MAF: variants seen among roughly 807,000 people sequenced by gnomAD.
MAF encodes MAF bZIP transcription factor.
Under a neutral mutation model 22.0 loss-of-function variants are expected in MAF, and 10 were observed. The observed-to-expected ratio is 0.45, with a 90% CI of 0.28 to 0.77. The LOEUF (loss-of-function observed/expected upper bound fraction) is 0.77. Among genes scored for constraint, MAF ranks in the 30% least tolerant of loss-of-function variants. MAF has a pLI of 0.12. For missense variants in MAF, 544 were observed against 548.4 expected (o/e 0.99, Z 0.08); for synonymous variants, 337 against 255.8 (o/e 1.32, Z -3.03).
the MAF span, among the ~76,000 whole-genome samples, chr16:79,294,974 T>A: frequency 6.6e-6 from 1 of 152,008 alleles, no homozygotes; most frequent in Admixed American, 6.6e-5. Flanking sequence ...TAGGCATCGT[T>A]CTCCCCTTGA....
At chr16:79,549,310 G>A in the MAF span, among the ~76,000 whole-genome samples, 1 of 152,282 alleles carries the variant, frequency 6.6e-6, no homozygotes, top group African/African-American at 2.4e-5. Context: ...TATGAAGAAT[G>A]CCTTGTTTCC....
At chr16:79,463,951 C>G in the MAF span, among the ~76,000 whole-genome samples, 1 of 142,282 alleles carries the variant, frequency 7.0e-6, no homozygotes, top group Non-Finnish European at 1.5e-5. Flanking sequence ...AGACAAAACC[C>G]TGGAAAGAGC....
chr16:79,351,849 C>A, the MAF span, among the ~76,000 whole-genome samples: 1 of 152,264 alleles, frequency 6.6e-6, no homozygotes, highest in Non-Finnish European at 1.5e-5. Flanking sequence ...GGCAGCTTCA[C>A]CATGGATGGG....
Position 79,599,366 on chromosome 16 carries a change from C to A in MAF, c.537G>T (p.Pro179=), listed in dbSNP as rs1455870822. 12 of 996,692 alleles carry A rather than the reference C, an allele frequency of 1.2e-5. No homozygotes were observed. Among genetic ancestry groups the A allele is most frequent in the Non-Finnish European group, 2.4e-6 (2 of 839,342 alleles). 61.7% of individuals were successfully genotyped at this position (996,692 alleles called of 1,614,324 possible). ...CGTGGTGGTGGTGGTGGTGGTAGTG[C>A]GGGCCCGCGCCGCTCTGCGCGGCGG... ...AAAAAQSGAG[P]HYHHHHHHAA... is the part of the protein sequence containing the mutation. The change falls in exon 1 of 2, where the codon CCG becomes CCT. Residue 179 remains proline (P), a synonymous_variant. Transcript: ENST00000326043.
chr16:79,452,966 G>A, the MAF span, among the ~76,000 whole-genome samples: 16 of 152,302 alleles, frequency 1.1e-4, no homozygotes, highest in East Asian at 7.7e-4. Flanking sequence ...AAGCCTTTGC[G>A]ATGTGGAGGT....
At chr16:79,380,742 A>C in the MAF span, among the ~76,000 whole-genome samples, 2 of 152,228 alleles carry the variant, frequency 1.3e-5, no homozygotes, top group African/African-American at 4.8e-5. Context: ...CTGAGGCCAT[A>C]GAGCTAGTAT....
At chr16:79,384,087 C>T in the MAF span, among the ~76,000 whole-genome samples, 3 of 152,162 alleles carry the variant, frequency 2.0e-5, no homozygotes. Context: ...GTTGTACAAT[C>T]GGGATGAGGG....
the MAF span, among the ~76,000 whole-genome samples, chr16:79,267,793 A>G: frequency 6.6e-6 from 1 of 152,192 alleles, no homozygotes; most frequent in Admixed American, 6.5e-5. Context: ...GTAGATGTTT[A>G]TGATGAGGCC....
chr16:79,258,823 G>T, the MAF span, among the ~76,000 whole-genome samples: 1 of 152,116 alleles, frequency 6.6e-6, no homozygotes, highest in South Asian at 2.1e-4. Flanking sequence ...CCACCCCCAA[G>T]GTCTCTCTGC....
At chr16:79,424,285 A>G in the MAF span, among the ~76,000 whole-genome samples, 2 of 152,158 alleles carry the variant, frequency 1.3e-5, no homozygotes, top group Non-Finnish European at 2.9e-5. Flanking sequence ...TACCACTAAG[A>G]AACAGAAACA....
At chr16:79,586,784 A>G (rs1011827906) in intron 1 of MAF, among the ~76,000 whole-genome samples, 3 of 152,354 alleles carry the variant, frequency 2.0e-5, no homozygotes, top group African/African-American at 7.2e-5. Context: ...TCCTATAGCT[A>G]GTCACAATAT....
At chr16:79,288,525 G>A in the MAF span, among the ~76,000 whole-genome samples, 1 of 152,142 alleles carries the variant, frequency 6.6e-6, no homozygotes, top group East Asian at 1.9e-4. Context: ...AGTCACCTCT[G>A]CTGAGCCCTG....
the MAF span, among the ~76,000 whole-genome samples, chr16:79,357,452 A>T: frequency 1.8e-4 from 27 of 152,146 alleles, no homozygotes; most frequent in Admixed American, 1.7e-3. Context: ...ACAAAACAAA[A>T]CAGAAATAAA....
chr16:79,581,256 G>T (rs1257754287), downstream of MAF, among the ~76,000 whole-genome samples: 5 of 152,024 alleles, frequency 3.3e-5, no homozygotes, highest in African/African-American at 1.2e-4. Context: ...CCTCATGTTC[G>T]CTTTCTCCCC....
chr16:79,340,275 T>G, the MAF span, among the ~76,000 whole-genome samples: 1 of 151,956 alleles, frequency 6.6e-6, no homozygotes, highest in African/African-American at 2.4e-5. Flanking sequence ...CCTTCAACAC[T>G]TTGGTGTCTC....
chr16:79,407,986 G>A, the MAF span, among the ~76,000 whole-genome samples: 3 of 146,960 alleles, frequency 2.0e-5, no homozygotes, highest in East Asian at 6.2e-4. Flanking sequence ...CTTCTCAGAG[G>A]GAGATCGACC....
chr16:79,458,434 G>T, the MAF span, among the ~76,000 whole-genome samples: 1 of 152,052 alleles, frequency 6.6e-6, no homozygotes, highest in Admixed American at 6.6e-5. Context: ...ATTTCATGAG[G>T]AGTCATTTTT....
the MAF span, among the ~76,000 whole-genome samples, chr16:79,349,862 T>C: frequency 6.6e-6 from 1 of 152,156 alleles, no homozygotes; most frequent in Non-Finnish European, 1.5e-5. Context: ...CAGCACACCA[T>C]ATTCTCCCTC....
chr16:79,424,633 G>C, the MAF span, among the ~76,000 whole-genome samples: 51 of 152,302 alleles, frequency 3.3e-4, no homozygotes, highest in African/African-American at 1.1e-3. Context: ...CCTGGGCACT[G>C]TGTTTACTGC....
Sources: allele counts gnomAD v4.1 joint callset (sites outside exome capture counted in the v4.1 genomes callset), GRCh38; gene constraint gnomAD v4.1.1; transcripts MANE v1.5; gene names NCBI Gene and HGNC (gene_info 2026-07-23, HGNC 2026-07-21).